Variants in ELAPOR2 observed in about 807,000 individuals in gnomAD.
The protein encoded by ELAPOR2 is endosome-lysosome associated apoptosis and autophagy regulator family member 2.
In ELAPOR2, 89 loss-of-function variants were observed where a neutral mutation model predicts 120.7. The ratio of observed to expected loss-of-function variants is 0.74; its 90% CI spans 0.62 to 0.88. ELAPOR2 has a LOEUF of 0.88. ELAPOR2 is among the 40% of genes least tolerant of loss of function. The probability of loss-of-function intolerance (pLI) is 0.00; values close to 1 mark genes in which losing one functional copy is unlikely to be tolerated. For missense variants in ELAPOR2, 1,134 were observed against 1,251.6 expected, an observed-to-expected ratio of 0.91 and a Z score of 1.42; for synonymous variants, 444 against 444.9, an observed-to-expected ratio of 1.00 and a Z score of 0.03.
intron 1 of ELAPOR2, among the ~76,000 whole-genome samples, chr7:87,022,068 A>AATTT (rs1000654245): frequency 2.6e-5 from 4 of 152,044 alleles, no homozygotes; most frequent in African/African-American, 2.4e-5. Flanking sequence ...ACTAAACTAA[A>AATTT]ATTTATTTAT....
chr7:86,939,449 G>T (rs547753322), intron 6 of ELAPOR2, among the ~76,000 whole-genome samples: 18 of 152,102 alleles, frequency 1.2e-4, no homozygotes, highest in African/African-American at 4.3e-4. Flanking sequence ...AGCCCACAAT[G>T]AACATATTAA....
chr7:87,023,096 T>C (rs1794116987), intron 1 of ELAPOR2, among the ~76,000 whole-genome samples: 1 of 152,248 alleles, frequency 6.6e-6, no homozygotes, highest in East Asian at 1.9e-4. Context: ...ATTTTGGCTT[T>C]TGTTGCCATT....
intron 15 of ELAPOR2, among the ~76,000 whole-genome samples, chr7:86,910,825 G>A (rs1789269257): frequency 6.6e-6 from 1 of 152,038 alleles, no homozygotes; most frequent in African/African-American, 2.4e-5. Context: ...AAAAAGAAAA[G>A]TATAAAAGTT....
intron 4 of ELAPOR2, among the ~76,000 whole-genome samples, chr7:86,944,268 A>T (rs1009987514): frequency 6.6e-6 from 1 of 152,108 alleles, no homozygotes; most frequent in African/African-American, 2.4e-5. Context: ...TGGTTAAGTA[A>T]CTTTAGTGGT....
intron 4 of ELAPOR2, 74 bp downstream of exon 4, chr7:86,944,825 T>C (rs1475499166): frequency 2.4e-6 from 3 of 1,255,374 alleles, no homozygotes; most frequent in Non-Finnish European, 3.2e-6. Flanking sequence ...TAAAGTGGAA[T>C]GGGAACAACT....
At chr7:87,051,560 T>C (rs1795102534) in intron 1 of ELAPOR2, among the ~76,000 whole-genome samples, 1 of 152,178 alleles carries the variant, frequency 6.6e-6, no homozygotes, top group South Asian at 2.1e-4. Flanking sequence ...AATTCTAACA[T>C]AGATAAGACA....
At chr7:87,014,461 G>A (rs1562968648) in intron 1 of ELAPOR2, among the ~76,000 whole-genome samples, 1 of 152,126 alleles carries the variant, frequency 6.6e-6, no homozygotes. Flanking sequence ...TGGATTTTGT[G>A]AAGATGAAGC....
chr7:86,938,274 G>T, intron 7 of ELAPOR2, 60 bp from the exon 8 acceptor site: 1 of 1,265,144 alleles, frequency 7.9e-7, no homozygotes, highest in Non-Finnish European at 1.1e-6. Flanking sequence ...CTAAGAAAAG[G>T]CAAAAAAGCA....
At chr7:86,959,722 G>T (rs1204283875) in intron 2 of ELAPOR2, among the ~76,000 whole-genome samples, 2 of 152,098 alleles carry the variant, frequency 1.3e-5, no homozygotes, top group Non-Finnish European at 2.9e-5. Flanking sequence ...AATTCAGTTT[G>T]CTGTATTTTG....
intron 1 of ELAPOR2, among the ~76,000 whole-genome samples, chr7:87,003,776 T>C (rs1793389425): frequency 6.6e-6 from 1 of 152,216 alleles, no homozygotes; most frequent in African/African-American, 2.4e-5. Flanking sequence ...TGAAAGCTTA[T>C]TGTGGTTCAA....
At chr7:86,915,557 T>C (rs999701476) in intron 12 of ELAPOR2, among the ~76,000 whole-genome samples, 5 of 151,880 alleles carry the variant, frequency 3.3e-5, no homozygotes, top group East Asian at 1.9e-4. Context: ...TATTAATAAG[T>C]TGACCAGATA....
chr7:86,958,360 T>C (rs1002307312), intron 2 of ELAPOR2, among the ~76,000 whole-genome samples: 4 of 152,250 alleles, frequency 2.6e-5, no homozygotes, highest in Non-Finnish European at 2.9e-5. Flanking sequence ...ACCTGGCATA[T>C]AGCAAGTAAA....
At chr7:86,944,852 C>T in intron 4 of ELAPOR2, 47 bp downstream of exon 4, 2 of 1,443,160 alleles carry the variant, frequency 1.4e-6, no homozygotes, top group Non-Finnish European at 1.8e-6. Flanking sequence ...GGGAAATTTA[C>T]ATGAATGTCC....
intron 1 of ELAPOR2, among the ~76,000 whole-genome samples, chr7:87,035,163 C>A: frequency 6.6e-6 from 1 of 151,916 alleles, no homozygotes; most frequent in East Asian, 1.9e-4. Context: ...TCACCAGTTA[C>A]AGTAGGTATG....
intron 4 of ELAPOR2, among the ~76,000 whole-genome samples, chr7:86,942,781 G>C (rs1022500123): frequency 1.3e-5 from 2 of 151,970 alleles, no homozygotes; most frequent in African/African-American, 2.4e-5. Context: ...AATGAATACA[G>C]AGACATCAAA....
At chr7:86,931,644 T>C (rs1584364598) in intron 8 of ELAPOR2, among the ~76,000 whole-genome samples, 1 of 151,870 alleles carries the variant, frequency 6.6e-6, no homozygotes, top group Non-Finnish European at 1.5e-5. Context: ...CTACCTTCTA[T>C]GTGCTAGGTA....
At chr7:86,926,943 C>CA in intron 8 of ELAPOR2, 27 bp from the exon 9 acceptor site, 1 of 829,046 alleles carries the variant, frequency 1.2e-6, no homozygotes. Context: ...AAAAAAAAAG[C>CA]AACCAAGTCA....
chr7:87,001,990 G>A (rs866947360), intron 1 of ELAPOR2, among the ~76,000 whole-genome samples: 1 of 152,116 alleles, frequency 6.6e-6, no homozygotes, highest in Non-Finnish European at 1.5e-5. Flanking sequence ...ATCCACCAGA[G>A]CTACAAGTCA....
intron 2 of ELAPOR2, among the ~76,000 whole-genome samples, chr7:86,955,906 C>T (rs1313565278): frequency 2.0e-5 from 3 of 149,626 alleles, no homozygotes; most frequent in African/African-American, 7.4e-5. Context: ...TGAGAAAAAT[C>T]CACTGTCTTC....
Sources: gnomAD v4.1 joint callset for allele counts (sites outside exome capture counted in the v4.1 genomes callset) on GRCh38, gnomAD v4.1.1 for gene constraint, MANE v1.5 for transcripts, NCBI Gene and HGNC (gene_info 2026-07-23, HGNC 2026-07-21) for gene names.